The following EXOC6B variants were observed in gnomAD, a reference collection of about 807,000 sequenced individuals.
EXOC6B encodes exocyst complex component 6B.
In EXOC6B, 54 loss-of-function variants were observed where a neutral mutation model predicts 113.5. The observed-to-expected ratio is 0.48, with a 90% CI of 0.38 to 0.60. The LOEUF (loss-of-function observed/expected upper bound fraction) is 0.60, where lower values mean the gene tolerates loss of function less well. EXOC6B is among the 20% of genes least tolerant of loss of function. EXOC6B has a pLI of 0.00. For missense variants in EXOC6B, 797 were observed against 977.5 expected (o/e 0.82, Z 2.46); for synonymous variants, 357 against 339.0 (o/e 1.05, Z -0.58).
chr2:72,289,266 A>G (rs537103722), intron 20 of EXOC6B, among the ~76,000 whole-genome samples: 4 of 152,336 alleles, frequency 2.6e-5, no homozygotes, highest in African/African-American at 7.2e-5. Context: ...TATTTTGATC[A>G]GAGTTTCATG....
At chr2:72,419,093 C>T (rs757186581) in intron 18 of EXOC6B, among the ~76,000 whole-genome samples, 29 of 151,754 alleles carry the variant, frequency 1.9e-4, no homozygotes, top group Non-Finnish European at 3.5e-4. Context: ...AACTCTGTTC[C>T]TTTATAGCTC....
intron 20 of EXOC6B, among the ~76,000 whole-genome samples, chr2:72,255,063 G>GGT (rs1221715455): frequency 6.6e-6 from 1 of 152,136 alleles, no homozygotes; most frequent in Non-Finnish European, 1.5e-5. Context: ...TCAAGCCAAG[G>GGT]GTGTGGCTGG....
intron 7 of EXOC6B, among the ~76,000 whole-genome samples, chr2:72,563,949 C>G (rs1001762969): frequency 2.6e-5 from 4 of 151,996 alleles, no homozygotes; most frequent in African/African-American, 9.7e-5. Flanking sequence ...AACCCTTCCC[C>G]CAAAAGGATT....
At chr2:72,179,533 C>T in intron 21 of EXOC6B, 72 bp from the exon 22 acceptor site, 1 of 1,580,770 alleles carries the variant, frequency 6.3e-7, no homozygotes, top group African/African-American at 1.3e-5. Context: ...CTGCAGGAAG[C>T]AGGATGGCAA....
chr2:72,475,488 G>A (rs1332577073), intron 17 of EXOC6B, among the ~76,000 whole-genome samples: 1 of 152,096 alleles, frequency 6.6e-6, no homozygotes, highest in African/African-American at 2.4e-5. Context: ...TCAGGCACCT[G>A]GGAGGAGTGT....
At chr2:72,664,272 A>G (rs943846016) in intron 6 of EXOC6B, among the ~76,000 whole-genome samples, 1 of 152,124 alleles carries the variant, frequency 6.6e-6, no homozygotes, top group African/African-American at 2.4e-5. Flanking sequence ...ACAGATCTTC[A>G]GAGAGAAAAC....
intron 1 of EXOC6B, among the ~76,000 whole-genome samples, chr2:72,774,141 T>C (rs780456950): frequency 1.8e-4 from 27 of 152,324 alleles, no homozygotes; most frequent in Non-Finnish European, 3.4e-4. Context: ...TTTCATTACA[T>C]AGTATCAAAA....
intron 6 of EXOC6B, among the ~76,000 whole-genome samples, chr2:72,627,495 A>C (rs1397098842): frequency 1.3e-5 from 2 of 152,164 alleles, no homozygotes; most frequent in Non-Finnish European, 2.9e-5. Flanking sequence ...GTGATAGGTA[A>C]GTTTTTTGGA....
At chr2:72,226,107 G>A (rs1476492843) in intron 20 of EXOC6B, among the ~76,000 whole-genome samples, 2 of 152,102 alleles carry the variant, frequency 1.3e-5, no homozygotes, top group Non-Finnish European at 2.9e-5. Context: ...ACAACCATTT[G>A]CTGGAAAAAG....
At position 72,499,920 on chromosome 2, in the gene EXOC6B, A is replaced by T. The variant is rs1294805587; in HGVS notation, c.1220T>A (p.Leu407His). 1.9e-6 allele frequency: 3 copies of T among 1,553,418 alleles called. No homozygotes were observed. The Admixed American group carries it at 5.8e-5, about 30-fold the overall frequency. Residue 407 changes from leucine (L) to histidine (H), a missense_variant, in exon 12 of 22, where the codon CTT (leucine) becomes CAT (histidine). By Grantham distance (99) the Leu-to-His change is moderately conservative. Transcript: ENST00000272427. ...ACATACCTGAAGTGTGTCAGCAAAA[A>T]GCACAATGAGGTTCTTCAAATCTAA... ...LVLDLKNLIV[L>H]FADTLQVYGF...
At chr2:72,296,373 A>G (rs1206603952) in intron 20 of EXOC6B, among the ~76,000 whole-genome samples, 1 of 152,170 alleles carries the variant, frequency 6.6e-6, no homozygotes, top group Non-Finnish European at 1.5e-5. Flanking sequence ...TCTAATGACA[A>G]TGCCACTGTC....
At position 72,609,807 on chromosome 2, in the gene EXOC6B, T is replaced by C. The variant is rs552576945; in HGVS notation, c.670-34139A>G. Reference sequence around the variant, plus strand: ...AAACTAATGCACATGCACACACACATAGAAAAAGCCTCATACTTAGTCAAC... The same window carrying C: ...AAACTAATGCACATGCACACACACACAGAAAAAGCCTCATACTTAGTCAAC... On this transcript the variant is annotated intron_variant, in intron 6 of 21. Transcript: ENST00000272427. Among the ~76,000 whole-genome samples the C allele has an allele frequency of 5.9e-5, 9 of 151,896 alleles. No individual in the cohort carries two copies. In the East Asian group the frequency reaches 1.5e-3, roughly 26 times the overall value.
intron 6 of EXOC6B, among the ~76,000 whole-genome samples, chr2:72,580,362 C>T (rs924304496): frequency 6.6e-6 from 1 of 151,666 alleles, no homozygotes; most frequent in Non-Finnish European, 1.5e-5. Context: ...AGGCTGGTCT[C>T]GAACTCCTGA....
intron 6 of EXOC6B, among the ~76,000 whole-genome samples, chr2:72,715,494 T>C (rs1191399922): frequency 6.7e-6 from 1 of 148,526 alleles, no homozygotes; most frequent in African/African-American, 2.4e-5. Context: ...ATAAAATATA[T>C]ATATGAAAAC....
At chr2:72,454,444 G>A (rs1406571522) in intron 18 of EXOC6B, among the ~76,000 whole-genome samples, 2 of 152,108 alleles carry the variant, frequency 1.3e-5, no homozygotes, top group Non-Finnish European at 2.9e-5. Flanking sequence ...GGGCGAGGCT[G>A]CAGTGAGCTG....
chr2:72,492,419 C>T lies in EXOC6B; in HGVS notation c.1564G>A (p.Val522Ile), dbSNP rs754561302. 1.2e-6 allele frequency: 2 copies of T among 1,611,512 alleles called. No homozygotes were observed. The highest frequency in any genetic ancestry group is 8.5e-7 in the Non-Finnish European group (1 of 1,177,968). The part of the protein sequence containing the change: ...SEDLHLSSTE[V>I]DDMIRKSTNL... ...GTTGATTTCCGAATCATGTCATCAA[C>T]TTCAGTTGAGCTGAAAAAGAAGCAT... The change falls in exon 16 of 22, where the codon GTT (valine) becomes ATT (isoleucine). Residue 522 changes from valine to isoleucine, a missense_variant. Transcript: ENST00000272427.
At chr2:72,805,830 C>T (rs963596906) in intron 1 of EXOC6B, among the ~76,000 whole-genome samples, 1 of 152,118 alleles carries the variant, frequency 6.6e-6, no homozygotes, top group Non-Finnish European at 1.5e-5. Context: ...CTACCCTCTG[C>T]TTCTATGAGT....
intron 6 of EXOC6B, among the ~76,000 whole-genome samples, chr2:72,599,148 A>G (rs1020839897): frequency 3.3e-5 from 5 of 152,112 alleles, no homozygotes; most frequent in African/African-American, 1.2e-4. Flanking sequence ...ACTGATGTAA[A>G]CACCCTCAAC....
At chr2:72,256,088 C>CAG (rs1286438735) in intron 20 of EXOC6B, among the ~76,000 whole-genome samples, 1 of 152,052 alleles carries the variant, frequency 6.6e-6, no homozygotes, top group African/African-American at 2.4e-5. Context: ...AGAGAAAGAA[C>CAG]AGAAGACATG....
Sources: gnomAD v4.1 joint callset for allele counts (sites outside exome capture counted in the v4.1 genomes callset) on GRCh38, gnomAD v4.1.1 for gene constraint, MANE v1.5 for transcripts, NCBI Gene and HGNC (gene_info 2026-07-23, HGNC 2026-07-21) for gene names.